Variants in CPED1 observed in about 807,000 individuals in gnomAD.
CPED1 encodes cadherin like and PC-esterase domain containing 1.
In CPED1, 114 loss-of-function variants were observed where a neutral mutation model predicts 128.2. The observed-to-expected ratio is 0.89, with a 90% CI of 0.76 to 1.04. The LOEUF is 1.04. CPED1 is among the 50% of genes least tolerant of loss of function. The probability of loss-of-function intolerance (pLI) is 0.00; values close to 1 mark genes in which losing one functional copy is unlikely to be tolerated. For synonymous variants in CPED1, 462 were observed against 426.7 expected (o/e 1.08, Z -1.02); for missense variants, 1,211 against 1,207.1 (o/e 1.00, Z -0.05).
chr7:121,172,329 A>G (rs1796664691), intron 16 of CPED1, among the ~76,000 whole-genome samples: 1 of 151,986 alleles, frequency 6.6e-6, no homozygotes, highest in African/African-American at 2.4e-5. Context: ...GAAATCCAAG[A>G]GTATTTTTCT....
intron 16 of CPED1, among the ~76,000 whole-genome samples, chr7:121,192,003 C>T (rs1797151872): frequency 6.6e-6 from 1 of 152,026 alleles, no homozygotes; most frequent in Non-Finnish European, 1.5e-5. Context: ...ATATCTTGTG[C>T]AGTGATCCCA....
At chr7:121,268,592 G>A (rs564555169) in intron 21 of CPED1, among the ~76,000 whole-genome samples, 44 of 152,128 alleles carry the variant, frequency 2.9e-4, no homozygotes, top group Admixed American at 1.3e-3. Flanking sequence ...GCTGGCTTCC[G>A]TCTTTCTCCG....
At chr7:121,117,077 T>TATA (rs1554436996) in intron 7 of CPED1, among the ~76,000 whole-genome samples, 1 of 128,804 alleles carries the variant, frequency 7.8e-6, no homozygotes, top group Non-Finnish European at 1.6e-5. Flanking sequence ...TATATACACA[T>TATA]TATATATATA....
intron 18 of CPED1, 22 bp downstream of exon 18, chr7:121,244,360 G>C (rs759842337): frequency 6.2e-6 from 10 of 1,613,684 alleles, no homozygotes; most frequent in Non-Finnish European, 8.5e-6. Flanking sequence ...ATCTAGTGGG[G>C]GAAGCCTTTA....
chr7:121,235,091 T>C (rs1798221937), intron 16 of CPED1, among the ~76,000 whole-genome samples: 1 of 152,046 alleles, frequency 6.6e-6, no homozygotes, highest in African/African-American at 2.4e-5. Context: ...CCTCTAACAT[T>C]TCATATAAAA....
chr7:121,138,964 A>C (rs1002920518), intron 14 of CPED1, among the ~76,000 whole-genome samples: 1 of 151,962 alleles, frequency 6.6e-6, no homozygotes, highest in African/African-American at 2.4e-5. Flanking sequence ...TGGAGAAAAA[A>C]CTTTGATGAA....
At chr7:121,252,819 C>A (rs1798710741) in intron 18 of CPED1, among the ~76,000 whole-genome samples, 2 of 151,886 alleles carry the variant, frequency 1.3e-5, no homozygotes, top group African/African-American at 4.8e-5. Flanking sequence ...AAACAACAGG[C>A]TGGAGAGGAT....
intron 16 of CPED1, among the ~76,000 whole-genome samples, chr7:121,154,173 C>T (rs1259792099): frequency 1.3e-5 from 2 of 152,180 alleles, no homozygotes; most frequent in African/African-American, 2.4e-5. Flanking sequence ...TTGCAAGTAT[C>T]CACATAAAAT....
At chr7:121,131,952 T>C (rs959661442) in intron 12 of CPED1, among the ~76,000 whole-genome samples, 1 of 143,142 alleles carries the variant, frequency 7.0e-6, no homozygotes, top group South Asian at 2.3e-4. Context: ...GCTTCTATAG[T>C]GGGGGTAATG....
intron 7 of CPED1, among the ~76,000 whole-genome samples, chr7:121,115,340 A>G (rs764762181): frequency 2.0e-5 from 3 of 152,198 alleles, no homozygotes; most frequent in Non-Finnish European, 2.9e-5. Flanking sequence ...GTGTGAGAAA[A>G]CAGCAGAGAG....
chr7:121,099,804 A>G, intron 6 of CPED1, 122 bp from the exon 7 acceptor site: 1 of 981,364 alleles, frequency 1.0e-6, no homozygotes, highest in Non-Finnish European at 1.5e-6. Context: ...AAGGAAACCC[A>G]CACACTGAGG....
intron 6 of CPED1, among the ~76,000 whole-genome samples, chr7:121,098,629 G>A (rs1477182306): frequency 6.6e-6 from 1 of 151,014 alleles, no homozygotes; most frequent in East Asian, 1.9e-4. Context: ...CTACTCAAGA[G>A]GCTGAGGCAG....
chr7:121,118,472 A>G (rs1040838733), intron 7 of CPED1, among the ~76,000 whole-genome samples: 1 of 151,854 alleles, frequency 6.6e-6, no homozygotes, highest in African/African-American at 2.4e-5. Flanking sequence ...AGGCAGGAGA[A>G]TCACTTGAAC....
chr7:121,073,128 T>G (rs904356032), intron 5 of CPED1, among the ~76,000 whole-genome samples: 4 of 152,194 alleles, frequency 2.6e-5, no homozygotes, highest in African/African-American at 9.7e-5. Context: ...GCCATACTGA[T>G]AAAATAAACA....
intron 2 of CPED1, among the ~76,000 whole-genome samples, chr7:120,996,959 A>G (rs778403494): frequency 3.3e-5 from 5 of 152,200 alleles, no homozygotes. Context: ...GCATGTTCCA[A>G]CATACTTTTC....
chr7:121,135,751 G>A (rs1795769972), intron 13 of CPED1, among the ~76,000 whole-genome samples: 1 of 151,982 alleles, frequency 6.6e-6, no homozygotes, highest in Non-Finnish European at 1.5e-5. Flanking sequence ...TATAGTCATA[G>A]GATATAAAAG....
intron 2 of CPED1, among the ~76,000 whole-genome samples, 157 bp downstream of exon 2, chr7:120,990,027 A>G (rs143116413): frequency 5.9e-5 from 9 of 152,352 alleles, no homozygotes; most frequent in African/African-American, 2.2e-4. Context: ...GAAACACGTT[A>G]CATAAGCTTC....
chr7:121,054,633 C>T (rs1016834406), intron 4 of CPED1, among the ~76,000 whole-genome samples: 1 of 151,040 alleles, frequency 6.6e-6, no homozygotes, highest in Admixed American at 6.6e-5. Flanking sequence ...ATTTGAGTCC[C>T]CAACCTCCAC....
In CPED1 at chr7:121,097,710, C is replaced by A; in HGVS notation, c.628C>A (p.Pro210Thr). Residue 210 changes from proline (P) to threonine (T), a missense_variant, in exon 6 of 23, where the codon CCA becomes ACA. Transcript: ENST00000310396. ...IVRRFPELQL[P>T]VSPSVCLDQG... ...TTGAATCTTTTCAGAACTGCAACTT[C>A]CAGTGAGTCCCTCTGTGTGTCTGGA... 6.2e-7 allele frequency: 1 copy of A among 1,613,520 alleles called. No homozygotes were observed. The highest frequency in any genetic ancestry group is 8.5e-7 in the Non-Finnish European group (1 of 1,179,696).
Sources: allele counts gnomAD v4.1 joint callset (sites outside exome capture counted in the v4.1 genomes callset), GRCh38; gene constraint gnomAD v4.1.1; transcripts MANE v1.5; gene names NCBI Gene and HGNC (gene_info 2026-07-23, HGNC 2026-07-21).